KCNAB1: variants seen among roughly 807,000 people sequenced by gnomAD.
The protein encoded by KCNAB1 is voltage-gated potassium channel subunit beta-1.
KCNAB1 carries 35 observed loss-of-function variants against 64.6 expected under a neutral mutation model. That is an observed-to-expected ratio of 0.54 (90% CI 0.41 to 0.72). KCNAB1 has a LOEUF of 0.72. Ranked by LOEUF, KCNAB1 falls within the 30% of genes least tolerant of loss-of-function variation. The pLI is 0.00. For synonymous variants in KCNAB1, 177 were observed against 183.8 expected (o/e 0.96, Z 0.30); for missense variants, 401 against 512.9 (o/e 0.78, Z 2.11).
chr3:156,428,766 T>G (rs1437330916), intron 2 of KCNAB1, among the ~76,000 whole-genome samples: 1 of 152,202 alleles, frequency 6.6e-6, no homozygotes, highest in East Asian at 1.9e-4. Context: ...TTTCCTGGGC[T>G]GTTCGCAGGT....
chr3:156,484,948 A>G (rs1715092487), intron 8 of KCNAB1, among the ~76,000 whole-genome samples: 1 of 152,104 alleles, frequency 6.6e-6, no homozygotes. Context: ...TCAGCTTCTC[A>G]GTTTTTCATT....
chr3:156,298,831 T>A (rs1720965503), intron 1 of KCNAB1, among the ~76,000 whole-genome samples: 1 of 152,242 alleles, frequency 6.6e-6, no homozygotes, highest in Non-Finnish European at 1.5e-5. Flanking sequence ...TGCAAGTTAA[T>A]CATATTGTAT....
chr3:156,437,329 T>C (rs1486314201), intron 2 of KCNAB1, among the ~76,000 whole-genome samples: 1 of 152,222 alleles, frequency 6.6e-6, no homozygotes, highest in African/African-American at 2.4e-5. Context: ...ATGCACTTTC[T>C]ATTTCTATTT....
At chr3:156,217,519 T>C (rs1576614676) in intron 1 of KCNAB1, among the ~76,000 whole-genome samples, 1 of 152,242 alleles carries the variant, frequency 6.6e-6, no homozygotes. Flanking sequence ...ATTTTTGTTC[T>C]TTTGAAGTCA....
At chr3:156,431,832 A>C (rs893473691) in intron 2 of KCNAB1, among the ~76,000 whole-genome samples, 5 of 152,230 alleles carry the variant, frequency 3.3e-5, no homozygotes, top group Admixed American at 6.5e-5. Context: ...TGTGAGCTGC[A>C]GGTTTGTTCT....
At chr3:156,146,343 AC>A (rs1715038734) in intron 1 of KCNAB1, among the ~76,000 whole-genome samples, 1 of 152,190 alleles carries the variant, frequency 6.6e-6, no homozygotes, top group Non-Finnish European at 1.5e-5. Flanking sequence ...TCTTCAGTTT[AC>A]TACTAAGAGG....
At chr3:156,405,258 A>G (rs1351389381) in intron 1 of KCNAB1, among the ~76,000 whole-genome samples, 4 of 152,168 alleles carry the variant, frequency 2.6e-5, no homozygotes, top group East Asian at 3.9e-4. Context: ...CAGCCTAGGC[A>G]AGATGAAGCC....
At position 156,520,838 on chromosome 3, in the gene KCNAB1, C is replaced by T. The variant is rs559701361; in HGVS notation, c.961-2989C>T. On this transcript the variant is annotated intron_variant, in intron 11 of 13. Coordinates refer to ENST00000490337, the MANE Select transcript of KCNAB1 (RefSeq NM_172160.3). ...TTTGAAGTTTAAGTAAAATAGTCAA[C>T]GATCTTGGTTGTTAAATTATTCTAG... is the stretch of plus-strand genomic sequence containing the variant. Among the ~76,000 whole-genome samples the T allele has an allele frequency of 2.9e-4, 44 of 152,248 alleles. 1 individual carries two copies. Among genetic ancestry groups the T allele is most frequent in the African/African-American group, 8.9e-4 (37 of 41,546 alleles).
chr3:156,495,568 G>A (rs1250109070), intron 8 of KCNAB1, among the ~76,000 whole-genome samples: 2 of 152,136 alleles, frequency 1.3e-5, no homozygotes, highest in African/African-American at 2.4e-5. Flanking sequence ...ACTTGCTGAA[G>A]TGTTCTCTGT....
intron 2 of KCNAB1, among the ~76,000 whole-genome samples, chr3:156,447,157 C>T (rs915592268): frequency 3.3e-5 from 5 of 152,256 alleles, no homozygotes; most frequent in Admixed American, 1.3e-4. Flanking sequence ...TCTTATCTGG[C>T]CACCCTATCT....
intron 8 of KCNAB1, among the ~76,000 whole-genome samples, chr3:156,485,627 T>C (rs1389962150): frequency 1.3e-5 from 2 of 152,082 alleles, no homozygotes; most frequent in African/African-American, 4.8e-5. Context: ...GGGGTACATG[T>C]GCAGGTTTGT....
chr3:156,378,289 G>A (rs1336497381), intron 1 of KCNAB1, among the ~76,000 whole-genome samples: 1 of 152,062 alleles, frequency 6.6e-6, no homozygotes, highest in Non-Finnish European at 1.5e-5. Context: ...CCAGAACAAA[G>A]GGTGGAGGAG....
chr3:156,248,648 A>T (rs1717618313), intron 1 of KCNAB1, among the ~76,000 whole-genome samples: 1 of 152,148 alleles, frequency 6.6e-6, no homozygotes, highest in Admixed American at 6.5e-5. Flanking sequence ...CATATAAATG[A>T]CAATGGAGGC....
chr3:156,489,926 C>T (rs73873402), intron 8 of KCNAB1, among the ~76,000 whole-genome samples: 1 of 151,982 alleles, frequency 6.6e-6, no homozygotes, highest in Non-Finnish European at 1.5e-5. Context: ...GGACCAGGAA[C>T]AAGGTAGTTC....
intron 1 of KCNAB1, among the ~76,000 whole-genome samples, chr3:156,361,741 C>T (rs1245486011): frequency 6.6e-6 from 1 of 152,170 alleles, no homozygotes; most frequent in Non-Finnish European, 1.5e-5. Context: ...TCATTGGAGC[C>T]TTGACCTCCT....
At chr3:156,426,178 C>T (rs1306625390) in intron 2 of KCNAB1, among the ~76,000 whole-genome samples, 1 of 152,140 alleles carries the variant, frequency 6.6e-6, no homozygotes, top group African/African-American at 2.4e-5. Context: ...CCAAAGGTCC[C>T]CAGGTCTCAA....
chr3:156,201,961 G>A (rs1208656525), intron 1 of KCNAB1, among the ~76,000 whole-genome samples: 1 of 152,166 alleles, frequency 6.6e-6, no homozygotes, highest in Non-Finnish European at 1.5e-5. Flanking sequence ...AGGCACAATT[G>A]GGCTGGGGCT....
intron 1 of KCNAB1, among the ~76,000 whole-genome samples, chr3:156,360,809 G>T (rs1725559143): frequency 6.6e-6 from 1 of 151,494 alleles, no homozygotes. Flanking sequence ...TAATCTGTCA[G>T]CAAATCCTGT....
intron 8 of KCNAB1, among the ~76,000 whole-genome samples, chr3:156,484,369 AAGAG>A (rs1181534223): frequency 2.0e-5 from 3 of 151,670 alleles, no homozygotes; most frequent in Admixed American, 1.3e-4. Context: ...GTTAAGAAAA[AAGAG>A]AGAGAGAGAG....
Sources: gnomAD v4.1 joint callset for allele counts (sites outside exome capture counted in the v4.1 genomes callset) on GRCh38, gnomAD v4.1.1 for gene constraint, MANE v1.5 for transcripts, NCBI Gene and HGNC (gene_info 2026-07-23, HGNC 2026-07-21) for gene names.